DOK5: variants seen among roughly 807,000 people sequenced by gnomAD.
DOK5 encodes the protein docking protein 5.
A neutral mutation model predicts 43.3 loss-of-function variants in DOK5; 27 were observed. The observed-to-expected ratio is 0.62, with a 90% CI of 0.46 to 0.86. DOK5 has a LOEUF of 0.86. Ranked by LOEUF, DOK5 falls within the 40% of genes least tolerant of loss-of-function variation. The probability of loss-of-function intolerance (pLI) is 0.00; values close to 1 mark genes in which losing one functional copy is unlikely to be tolerated. For synonymous variants in DOK5, 146 were observed against 140.1 expected (o/e 1.04, Z -0.30); for missense variants, 373 against 392.9 (o/e 0.95, Z 0.43).
At chr20:54,642,129 C>T (rs1979150510) in intron 6 of DOK5, among the ~76,000 whole-genome samples, 1 of 152,150 alleles carries the variant, frequency 6.6e-6, no homozygotes, top group African/African-American at 2.4e-5. Flanking sequence ...TGACCCCGTT[C>T]ACCTTTCCTT....
chr20:54,510,890 G>A (rs1020181013), intron 1 of DOK5, among the ~76,000 whole-genome samples: 4 of 152,152 alleles, frequency 2.6e-5, no homozygotes, highest in South Asian at 2.1e-4. Context: ...AGAGGGCTCC[G>A]CAGGGCTGGT....
chr20:54,528,798 C>T (rs750632985), intron 1 of DOK5, among the ~76,000 whole-genome samples: 1 of 152,014 alleles, frequency 6.6e-6, no homozygotes, highest in Non-Finnish European at 1.5e-5. Context: ...GGGAACCCTT[C>T]CATTTTCTTC....
At chr20:54,497,329 C>T (rs1235903310) in intron 1 of DOK5, among the ~76,000 whole-genome samples, 2 of 152,196 alleles carry the variant, frequency 1.3e-5, no homozygotes, top group African/African-American at 4.8e-5. Flanking sequence ...CTAAAATTGT[C>T]ATCCATTTAA....
chr20:54,628,920 T>C (rs1014333498), intron 6 of DOK5, among the ~76,000 whole-genome samples: 1 of 152,242 alleles, frequency 6.6e-6, no homozygotes, highest in African/African-American at 2.4e-5. Flanking sequence ...GGATTATCTA[T>C]GATCATCATT....
intron 1 of DOK5, among the ~76,000 whole-genome samples, chr20:54,498,358 A>C (rs139806693): frequency 3.9e-5 from 6 of 152,290 alleles, no homozygotes; most frequent in African/African-American, 1.2e-4. Flanking sequence ...CATTGTCATA[A>C]ATTAGAGGAT....
intron 6 of DOK5, among the ~76,000 whole-genome samples, chr20:54,614,654 A>T (rs1380889228): frequency 6.6e-6 from 1 of 152,252 alleles, no homozygotes; most frequent in African/African-American, 2.4e-5. Flanking sequence ...TGCAAATTTA[A>T]CTAGAAAATA....
At chr20:54,480,420 T>G (rs893082418) in intron 1 of DOK5, among the ~76,000 whole-genome samples, 45 of 152,306 alleles carry the variant, frequency 3.0e-4, no homozygotes, top group African/African-American at 1.1e-3. Context: ...ACCAGTGCTA[T>G]GACAGTTTAC....
intron 1 of DOK5, among the ~76,000 whole-genome samples, chr20:54,527,644 T>G (rs1983624091): frequency 6.6e-6 from 1 of 152,086 alleles, no homozygotes; most frequent in Admixed American, 6.6e-5. Flanking sequence ...AAGGTGGAAG[T>G]GAGTAGAAAT....
chr20:54,541,048 C>T (rs907545323), intron 1 of DOK5, among the ~76,000 whole-genome samples: 1 of 152,182 alleles, frequency 6.6e-6, no homozygotes, highest in Non-Finnish European at 1.5e-5. Context: ...CTTCACACCT[C>T]CCTACTGAAC....
At chr20:54,556,847 C>T (rs1984723985) in intron 2 of DOK5, among the ~76,000 whole-genome samples, 1 of 152,186 alleles carries the variant, frequency 6.6e-6, no homozygotes, top group African/African-American at 2.4e-5. Flanking sequence ...CCAAATATGT[C>T]TGGTTCTTCA....
intron 5 of DOK5, among the ~76,000 whole-genome samples, chr20:54,608,879 T>C (rs1390336309): frequency 6.6e-6 from 1 of 152,130 alleles, no homozygotes; most frequent in Non-Finnish European, 1.5e-5. Flanking sequence ...TTCACCATGT[T>C]GGCCAAGCTG....
intron 1 of DOK5, among the ~76,000 whole-genome samples, chr20:54,503,142 G>A (rs1395952759): frequency 6.6e-6 from 1 of 152,116 alleles, no homozygotes; most frequent in East Asian, 1.9e-4. Flanking sequence ...TGGTGCAGGG[G>A]TAGGAAATAG....
intron 2 of DOK5, among the ~76,000 whole-genome samples, chr20:54,579,848 GTA>G (rs141622223): frequency 0.017 from 2,548 of 151,988 alleles, 65 homozygotes; most frequent in African/African-American, 0.059. Context: ...TTGTTACATA[GTA>G]TACACGTGGT....
intron 1 of DOK5, among the ~76,000 whole-genome samples, chr20:54,539,643 G>C (rs2146714049): frequency 6.6e-6 from 1 of 152,306 alleles, no homozygotes; most frequent in South Asian, 2.1e-4. Context: ...ATAAGCCCCA[G>C]ATAGGCTATT....
intron 1 of DOK5, among the ~76,000 whole-genome samples, chr20:54,507,356 C>G (rs1982847680): frequency 6.6e-6 from 1 of 152,098 alleles, no homozygotes; most frequent in African/African-American, 2.4e-5. Flanking sequence ...CTAGAAGCCA[C>G]ATTAAAAAAT....
intron 1 of DOK5, among the ~76,000 whole-genome samples, chr20:54,485,647 TA>T (rs1298022298): frequency 2.6e-5 from 4 of 152,206 alleles, no homozygotes; most frequent in African/African-American, 9.6e-5. Context: ...CACGTGAACA[TA>T]CGTTTTCGTG....
chr20:54,491,794 G>A (rs1372860504), intron 1 of DOK5, among the ~76,000 whole-genome samples: 1 of 152,108 alleles, frequency 6.6e-6, no homozygotes, highest in Non-Finnish European at 1.5e-5. Flanking sequence ...GAAAACTTGG[G>A]ATTTTTCTCC....
chr20:54,508,829 C>T (rs972271291), intron 1 of DOK5, among the ~76,000 whole-genome samples: 1 of 152,126 alleles, frequency 6.6e-6, no homozygotes, highest in African/African-American at 2.4e-5. Flanking sequence ...ATCTGCACCC[C>T]TTGGCCTCCC....
At chr20:54,611,696 A>C (rs1396166096) in intron 6 of DOK5, among the ~76,000 whole-genome samples, 1 of 152,256 alleles carries the variant, frequency 6.6e-6, no homozygotes, top group Non-Finnish European at 1.5e-5. Flanking sequence ...GCAAATGTAT[A>C]TATAGAGCTT....
Sources: gnomAD v4.1 joint callset for allele counts (sites outside exome capture counted in the v4.1 genomes callset) on GRCh38, gnomAD v4.1.1 for gene constraint, MANE v1.5 for transcripts, NCBI Gene and HGNC (gene_info 2026-07-23, HGNC 2026-07-21) for gene names.